ARHGEF3: variants seen among roughly 807,000 people sequenced by gnomAD.
The protein encoded by ARHGEF3 is 59.8 kDA protein.
In ARHGEF3, 28 loss-of-function variants were observed where a neutral mutation model predicts 63.2. That is an observed-to-expected ratio of 0.44 (90% CI 0.33 to 0.61). The LOEUF (loss-of-function observed/expected upper bound fraction) is 0.61. Among genes scored for constraint, ARHGEF3 ranks in the 20% least tolerant of loss-of-function variants. ARHGEF3 has a pLI of 0.03. For missense variants in ARHGEF3, 533 were observed against 659.3 expected (o/e 0.81, Z 2.10); for synonymous variants, 266 against 254.2 (o/e 1.05, Z -0.44).
At chr3:56,932,889 T>C (rs1237376826) in intron 3 of ARHGEF3, among the ~76,000 whole-genome samples, 1 of 152,224 alleles carries the variant, frequency 6.6e-6, no homozygotes, top group Non-Finnish European at 1.5e-5. Flanking sequence ...AACTGTTACC[T>C]CATTATCAAA....
chr3:57,033,036 C>T (rs978839566), intron 2 of ARHGEF3, among the ~76,000 whole-genome samples: 1 of 152,138 alleles, frequency 6.6e-6, no homozygotes, highest in African/African-American at 2.4e-5. Flanking sequence ...TCAGAGGAGG[C>T]AGAGGAAACT....
chr3:56,801,594 G>T, intron 1 of ARHGEF3, 109 bp downstream of exon 1: 1 of 1,374,088 alleles, frequency 7.3e-7, no homozygotes, highest in Non-Finnish European at 9.8e-7. Flanking sequence ...CGGAGAGTGA[G>T]AGATGGAAAC....
chr3:56,908,956 T>C (rs1442315119), intron 3 of ARHGEF3, among the ~76,000 whole-genome samples: 1 of 152,198 alleles, frequency 6.6e-6, no homozygotes, highest in Non-Finnish European at 1.5e-5. Context: ...GCTATGCACA[T>C]GCAAACAAGG....
intron 3 of ARHGEF3, among the ~76,000 whole-genome samples, chr3:56,899,036 G>C (rs1389670543): frequency 6.6e-6 from 1 of 152,160 alleles, no homozygotes; most frequent in East Asian, 1.9e-4. Flanking sequence ...CCTGGCGACA[G>C]AAAGAGACTC....
At chr3:57,076,655 G>A (rs1219229922) in intron 1 of ARHGEF3, 2 of 152,160 alleles carry the variant, frequency 1.3e-5, no homozygotes, top group South Asian at 4.1e-4. Context: ...TTAATCTGGA[G>A]GTGAAAGTAT....
intron 2 of ARHGEF3, among the ~76,000 whole-genome samples, chr3:56,766,719 G>A (rs1210240995): frequency 6.6e-6 from 1 of 151,864 alleles, no homozygotes; most frequent in African/African-American, 2.4e-5. Context: ...AAGGAGAAAT[G>A]TAAGAAGTCT....
chr3:57,074,632 ATC>A, intron 1 of ARHGEF3: 1 of 221,074 alleles, frequency 4.5e-6, no homozygotes, highest in Non-Finnish European at 9.8e-6. Flanking sequence ...ATACATTTTC[ATC>A]TCTTTATTGT....
chr3:56,998,586 C>G (rs1702077941), intron 2 of ARHGEF3, among the ~76,000 whole-genome samples: 1 of 152,156 alleles, frequency 6.6e-6, no homozygotes, highest in Non-Finnish European at 1.5e-5. Flanking sequence ...GCTGAGCCCT[C>G]AGCCCGAGCC....
intron 2 of ARHGEF3, among the ~76,000 whole-genome samples, chr3:56,993,573 C>T (rs940716657): frequency 6.6e-6 from 1 of 151,714 alleles, no homozygotes; most frequent in South Asian, 2.1e-4. Flanking sequence ...CGGTGTCTCC[C>T]TATGTTGCCC....
intron 3 of ARHGEF3, among the ~76,000 whole-genome samples, chr3:56,929,559 C>T (rs1226828845): frequency 3.3e-5 from 5 of 152,108 alleles, no homozygotes; most frequent in Non-Finnish European, 7.4e-5. Flanking sequence ...AATATGCTTC[C>T]GGGTTCTGTT....
intron 3 of ARHGEF3, among the ~76,000 whole-genome samples, chr3:56,893,811 CAAAAAAAAAAAAAAA>C (rs537483698): frequency 1.1e-4 from 9 of 79,538 alleles, no homozygotes; most frequent in African/African-American, 1.5e-4. Flanking sequence ...GACTCTGTCT[CAAAAAAAAAAAAAAA>C]AAAAAAAAAA....
intron 3 of ARHGEF3, among the ~76,000 whole-genome samples, chr3:56,882,612 C>T (rs553451854): frequency 2.2e-4 from 32 of 148,498 alleles, no homozygotes; most frequent in African/African-American, 7.7e-4. Flanking sequence ...TCTGCCTCCT[C>T]GGTTCAAGCG....
In ARHGEF3 at chr3:56,895,345, A is replaced by T. The variant is rs560178612; in HGVS notation, c.130-12991T>A. Among the ~76,000 whole-genome samples, 5 of 152,292 alleles carry T rather than the reference A, an allele frequency of 3.3e-5. No individual in the cohort carries two copies. In the East Asian group the frequency reaches 9.6e-4, roughly 29 times the overall value. ...CTGAATGAGCTCTAGCTGGGCAGAG[A>T]GAGGGGCCTTTGTCATAGAAATGGT... On this transcript the variant is annotated intron_variant, in intron 3 of 12. Transcript: ENST00000338458.
intron 1 of ARHGEF3, among the ~76,000 whole-genome samples, chr3:56,793,449 G>A (rs904044751): frequency 1.3e-5 from 2 of 152,148 alleles, no homozygotes; most frequent in African/African-American, 2.4e-5. Context: ...GATTACAGGC[G>A]TGAGCCACCG....
intron 2 of ARHGEF3, among the ~76,000 whole-genome samples, chr3:56,986,693 G>A (rs1336126719): frequency 1.3e-5 from 2 of 152,102 alleles, no homozygotes; most frequent in African/African-American, 4.8e-5. Flanking sequence ...TGGCTCTCCA[G>A]ATGGCTGGTC....
chr3:56,934,639 C>T (rs868505729), intron 3 of ARHGEF3, among the ~76,000 whole-genome samples: 1 of 152,344 alleles, frequency 6.6e-6, no homozygotes, highest in South Asian at 2.1e-4. Context: ...TACTGGGTCC[C>T]CCAGCAGTGC....
chr3:56,786,458 G>A (rs545046602), intron 1 of ARHGEF3, among the ~76,000 whole-genome samples: 9 of 152,310 alleles, frequency 5.9e-5, no homozygotes, highest in African/African-American at 1.9e-4. Flanking sequence ...TGGGAGGGGT[G>A]TATGTGCATG....
intron 3 of ARHGEF3, among the ~76,000 whole-genome samples, chr3:56,919,158 C>G (rs2042061179): frequency 1.3e-5 from 2 of 152,134 alleles, no homozygotes; most frequent in South Asian, 2.1e-4. Context: ...CCAGGGTGAG[C>G]AGACATTCTA....
At chr3:56,928,802 C>G (rs1273596155) in intron 3 of ARHGEF3, among the ~76,000 whole-genome samples, 1 of 152,184 alleles carries the variant, frequency 6.6e-6, no homozygotes, top group Non-Finnish European at 1.5e-5. Flanking sequence ...TTGAATTCCT[C>G]TGCTGCAGAA....
Sources: allele counts gnomAD v4.1 joint callset (sites outside exome capture counted in the v4.1 genomes callset), GRCh38; gene constraint gnomAD v4.1.1; transcripts MANE v1.5; gene names NCBI Gene and HGNC (gene_info 2026-07-23, HGNC 2026-07-21).